PPARG: variants seen among roughly 807,000 people sequenced by gnomAD.
PPARG encodes the protein peroxisome proliferator activated receptor gamma, also known as peroxisome proliferator-activated receptor gamma.
A neutral mutation model predicts 39.2 loss-of-function variants in PPARG; 17 were observed. That is an observed-to-expected ratio of 0.43 (90% CI 0.30 to 0.65). The LOEUF (loss-of-function observed/expected upper bound fraction) is 0.65, where lower values mean the gene tolerates loss of function less well. Among genes scored for constraint, PPARG ranks in the 30% least tolerant of loss-of-function variants. PPARG has a pLI of 0.13. For missense variants in PPARG, 406 were observed against 585.9 expected, an observed-to-expected ratio of 0.69 and a Z score of 3.17; for synonymous variants, 223 against 215.7, an observed-to-expected ratio of 1.03 and a Z score of -0.30.
intron 2 of PPARG, among the ~76,000 whole-genome samples, chr3:12,367,127 T>A (rs1169920249): frequency 1.3e-5 from 2 of 152,172 alleles, no homozygotes; most frequent in Non-Finnish European, 2.9e-5. Flanking sequence ...GAAAATTATG[T>A]CTTTCAAGGA....
intron 7 of PPARG, among the ~76,000 whole-genome samples, chr3:12,420,627 G>A (rs192241804): frequency 1.3e-5 from 1 of 77,800 alleles, no homozygotes; most frequent in East Asian, 1.9e-4. Context: ...AAGAGTGGGC[G>A]GGGGTAAGGA....
upstream of PPARG, chr3:12,287,816 G>C (rs868556156): frequency 9.3e-3 from 342 of 36,966 alleles, no homozygotes; most frequent in South Asian, 0.026. Context: ...CCCCGCCCCC[G>C]CCCCCACCCC....
At chr3:12,415,628 A>G (rs1337689394) in intron 6 of PPARG, among the ~76,000 whole-genome samples, 1 of 152,220 alleles carries the variant, frequency 6.6e-6, no homozygotes, top group Non-Finnish European at 1.5e-5. Context: ...TGGGGCATGT[A>G]TTTTATTGAT....
chr3:12,306,312 G>A (rs1015634783), intron 1 of PPARG, among the ~76,000 whole-genome samples: 5 of 152,132 alleles, frequency 3.3e-5, no homozygotes, highest in Non-Finnish European at 5.9e-5. Flanking sequence ...AATAATGTTC[G>A]CTCGCCCACC....
intron 2 of PPARG, among the ~76,000 whole-genome samples, chr3:12,358,985 A>G (rs2048752609): frequency 6.6e-6 from 1 of 152,210 alleles, no homozygotes; most frequent in South Asian, 2.1e-4. Flanking sequence ...TGATCATCCC[A>G]ATGGCTCCAC....
intron 7 of PPARG, among the ~76,000 whole-genome samples, chr3:12,430,738 G>A (rs2051633268): frequency 1.3e-5 from 2 of 152,182 alleles, no homozygotes; most frequent in Non-Finnish European, 2.9e-5. Flanking sequence ...GAGAGGAAGG[G>A]ATACTGTTGA....
At position 12,381,394 on chromosome 3, in the gene PPARG, A is replaced by T; in HGVS notation, c.293A>T (p.Glu98Val). ...ACTCAGCTCTACAATAAGCCTCATGAAGAGCCTTCCAACTCCCTCATGGCA... is the reference window on the plus strand; with the variant it reads ...ACTCAGCTCTACAATAAGCCTCATGTAGAGCCTTCCAACTCCCTCATGGCA... ...EKTQLYNKPH[E>V]EPSNSLMAIE... The change falls in exon 4 of 8, where the codon GAA becomes GTA. Residue 98 changes from glutamate to valine, a missense_variant. Glu to Val is a moderately radical substitution (Grantham distance 121). Around this residue, in one of 2 missense-constraint regions of PPARG, gnomAD observed 131 missense variants for 127.9 expected, o/e 1.02. Coordinates refer to ENST00000651735, the MANE Select transcript of PPARG (RefSeq NM_138711.6). 6.2e-7 allele frequency: 1 copy of T among 1,613,436 alleles called. No individual in the cohort carries two copies. Among genetic ancestry groups the T allele is most frequent in the Non-Finnish European group, 8.5e-7 (1 of 1,179,676 alleles).
chr3:12,367,470 C>G (rs913679968), intron 2 of PPARG, among the ~76,000 whole-genome samples: 1 of 152,092 alleles, frequency 6.6e-6, no homozygotes. Flanking sequence ...ATCCTGTAAT[C>G]TTTTCTGTGT....
intron 5 of PPARG, among the ~76,000 whole-genome samples, chr3:12,405,125 C>A (rs965911501): frequency 5.9e-5 from 9 of 152,218 alleles, no homozygotes; most frequent in Non-Finnish European, 1.2e-4. Context: ...GAAAACATAT[C>A]TGAGTTGAAA....
intron 2 of PPARG, chr3:12,328,241 C>T: frequency 1.3e-6 from 2 of 1,528,372 alleles, no homozygotes; most frequent in Non-Finnish European, 1.8e-6. Flanking sequence ...CTGAGAACAA[C>T]ATCCGGGAGA....
At chr3:12,337,639 A>G (rs2048052060) in intron 2 of PPARG, among the ~76,000 whole-genome samples, 1 of 152,216 alleles carries the variant, frequency 6.6e-6, no homozygotes. Flanking sequence ...AAACCGAGTT[A>G]GTGGCGGAGC....
intron 5 of PPARG, among the ~76,000 whole-genome samples, chr3:12,396,735 G>C (rs2050277217): frequency 6.9e-6 from 1 of 144,954 alleles, no homozygotes; most frequent in Non-Finnish European, 1.5e-5. Flanking sequence ...TCCAGTCTGG[G>C]TAACAGAGCA....
chr3:12,295,751 G>A (rs2046764438), intron 1 of PPARG, among the ~76,000 whole-genome samples: 1 of 151,904 alleles, frequency 6.6e-6, no homozygotes. Context: ...CTGACCTCAG[G>A]AGATCCACCT....
At chr3:12,391,869 C>CA (rs530753668) in intron 4 of PPARG, among the ~76,000 whole-genome samples, 2 of 152,030 alleles carry the variant, frequency 1.3e-5, no homozygotes, top group East Asian at 1.9e-4. Context: ...ATGATGAACC[C>CA]AAAAAATGGA....
chr3:12,355,985 C>T (rs949377384), intron 2 of PPARG, among the ~76,000 whole-genome samples: 1 of 152,200 alleles, frequency 6.6e-6, no homozygotes, highest in Non-Finnish European at 1.5e-5. Flanking sequence ...TCGTTAGGTA[C>T]ATATTCCTTG....
At chr3:12,431,908 G>A (rs958609162) in intron 7 of PPARG, among the ~76,000 whole-genome samples, 4 of 151,986 alleles carry the variant, frequency 2.6e-5, no homozygotes, top group African/African-American at 9.7e-5. Flanking sequence ...CCACTGCACT[G>A]GGCAACAGAT....
At chr3:12,379,170 A>T (rs2049528987) in intron 2 of PPARG, among the ~76,000 whole-genome samples, 1 of 151,640 alleles carries the variant, frequency 6.6e-6, no homozygotes, top group African/African-American at 2.4e-5. Context: ...ACACCCGGCC[A>T]ATTTTTGTAT....
intron 2 of PPARG, among the ~76,000 whole-genome samples, chr3:12,333,355 A>G (rs994790288): frequency 3.3e-5 from 5 of 152,212 alleles, no homozygotes; most frequent in African/African-American, 1.2e-4. Context: ...CACCACTGGC[A>G]TGTGGTAATG....
chr3:12,339,581 C>G (rs947354956), intron 2 of PPARG, among the ~76,000 whole-genome samples: 3 of 152,132 alleles, frequency 2.0e-5, no homozygotes, highest in African/African-American at 7.2e-5. Context: ...GAAGACACAG[C>G]TGAAAAAATA....
Sources: allele counts gnomAD v4.1 joint callset (sites outside exome capture counted in the v4.1 genomes callset), GRCh38; gene constraint gnomAD v4.1.1; regional missense constraint gnomAD v4.1.1; transcripts MANE v1.5; gene names NCBI Gene and HGNC (gene_info 2026-07-23, HGNC 2026-07-21).